GNA14: variants seen among roughly 807,000 people sequenced by gnomAD.
GNA14 encodes the protein guanine nucleotide-binding protein subunit alpha-14.
Under a neutral mutation model 42.0 loss-of-function variants are expected in GNA14, and 50 were observed. That is an observed-to-expected ratio of 1.19 (90% CI 0.95 to 1.51). The LOEUF (loss-of-function observed/expected upper bound fraction) is 1.51, where lower values mean the gene tolerates loss of function less well. Among genes scored for constraint, GNA14 ranks in the 40% most tolerant of loss-of-function variants. The pLI is 0.00. For synonymous variants in GNA14, 173 were observed against 163.1 expected, an observed-to-expected ratio of 1.06 and a Z score of -0.46; for missense variants, 473 against 446.2, an observed-to-expected ratio of 1.06 and a Z score of -0.54.
chr9:77,444,426 C>T (rs540069402), intron 2 of GNA14, among the ~76,000 whole-genome samples: 25 of 152,322 alleles, frequency 1.6e-4, no homozygotes, highest in Admixed American at 1.4e-3. Context: ...AGGGTGCCAG[C>T]TTCTTCCACA....
intron 2 of GNA14, among the ~76,000 whole-genome samples, chr9:77,437,399 A>C (rs1835656125): frequency 6.6e-6 from 1 of 152,166 alleles, no homozygotes; most frequent in African/African-American, 2.4e-5. Context: ...ATTAAAAATT[A>C]GCTGGGTTTG....
At chr9:77,631,293 A>G (rs1000053305) in intron 1 of GNA14, among the ~76,000 whole-genome samples, 10 of 152,246 alleles carry the variant, frequency 6.6e-5, no homozygotes, top group African/African-American at 2.4e-4. Flanking sequence ...AGAAATTGCT[A>G]CATCACTTCA....
In GNA14 at chr9:77,456,283, T is replaced by C. The variant is rs1342440984; in HGVS notation, c.310-21761A>G. The C allele has an allele frequency of 2.0e-5, 3 of 152,212 alleles. No individual in the cohort carries two copies. The East Asian group carries it at 5.8e-4, about 29-fold the overall frequency. The allele number at this position is 152,212 out of a possible 1,614,324, so 9.4% of individuals were successfully genotyped here. A position where few individuals can be genotyped will look rare whatever the true frequency, so the allele number is the denominator to read the frequency against. The stretch of plus-strand genomic sequence containing the variant: ...CACACCCTATTGATTTAAATACATT[T>C]ACATTTTAAAGGAAGGAAAGAGTGG... On this transcript the variant is annotated intron_variant, in intron 2 of 6. Transcript: ENST00000341700.
At chr9:77,604,808 AC>A (rs143792859) in intron 1 of GNA14, among the ~76,000 whole-genome samples, 392 of 152,290 alleles carry the variant, frequency 2.6e-3, no homozygotes, top group Non-Finnish European at 4.3e-3. Flanking sequence ...CACTACGTAA[AC>A]CCCGAAGATG....
At chr9:77,500,282 T>G (rs1171096456) in intron 2 of GNA14, among the ~76,000 whole-genome samples, 1 of 152,076 alleles carries the variant, frequency 6.6e-6, no homozygotes, top group Non-Finnish European at 1.5e-5. Flanking sequence ...CCTCCCAGAG[T>G]GCTGGGATTA....
intron 2 of GNA14, among the ~76,000 whole-genome samples, chr9:77,514,599 T>C (rs1837218748): frequency 2.0e-5 from 3 of 147,168 alleles, no homozygotes; most frequent in African/African-American, 7.5e-5. Context: ...AAGTCTTCTA[T>C]AATATCAGAT....
At chr9:77,457,775 T>C (rs1836029000) in intron 2 of GNA14, among the ~76,000 whole-genome samples, 1 of 152,240 alleles carries the variant, frequency 6.6e-6, no homozygotes, top group Non-Finnish European at 1.5e-5. Context: ...AATTCAAGTC[T>C]AGTTTTGTAG....
chr9:77,575,983 C>T (rs1014696466), intron 1 of GNA14, among the ~76,000 whole-genome samples: 3 of 152,196 alleles, frequency 2.0e-5, no homozygotes, highest in Admixed American at 2.0e-4. Context: ...AGCTGCACCG[C>T]TGGTGCTATC....
Position 77,595,151 on chromosome 9 carries a change from A to G in GNA14, c.124+52519T>C, listed in dbSNP as rs546036781. ...TCTTAGACTATTTGCTGCTGTTGCC[A>G]CATCTTTTATATTTGCATTCTCCAC... On this transcript the variant is annotated intron_variant, in intron 1 of 6. Transcript: ENST00000341700. Among the ~76,000 whole-genome samples the G allele has an allele frequency of 3.3e-5, 5 of 152,258 alleles. No individual in the cohort carries two copies. The East Asian group carries it at 7.7e-4, about 24-fold the overall frequency.
intron 2 of GNA14, chr9:77,456,625 T>G (rs1242997853): frequency 6.6e-6 from 1 of 152,144 alleles, no homozygotes; most frequent in Non-Finnish European, 1.5e-5. Context: ...GAAGACTTGC[T>G]AATATTCACC....
At position 77,441,428 on chromosome 9, in the gene GNA14, C is replaced by A. The variant is rs781042544; in HGVS notation, c.310-6906G>T. Among the ~76,000 whole-genome samples the A allele has an allele frequency of 4.6e-5, 7 of 152,158 alleles. No homozygotes were observed. In the East Asian group the frequency reaches 5.8e-4, roughly 13 times the overall value. On this transcript the variant is annotated intron_variant, in intron 2 of 6. Coordinates refer to ENST00000341700, the MANE Select transcript of GNA14 (RefSeq NM_004297.4). ...CTGAGGCCTCCTCAGCCATGTGGAC[C>A]TGTGAGTCAATTAAACCTCTTTCCT...
At chr9:77,470,389 C>A (rs1836310186) in intron 2 of GNA14, among the ~76,000 whole-genome samples, 1 of 152,166 alleles carries the variant, frequency 6.6e-6, no homozygotes, top group South Asian at 2.1e-4. Flanking sequence ...TATAACAGCA[C>A]AGGTGAGAAA....
rs1160420452 is a variant in GNA14 at position 77,498,392 on chromosome 9, A to AAG, written c.309+30676_309+30677insCT. Reference sequence around the variant, plus strand: ...CTGTCTCAAAAAAAAAAAAAAAGAAAAAAAAGAAAAAGAAAACAAGCTGCA... The same window carrying AAG: ...CTGTCTCAAAAAAAAAAAAAAAGAAAAGAAAAAGAAAAAGAAAACAAGCTGCA... On this transcript the variant is annotated intron_variant, in intron 2 of 6. Coordinates refer to ENST00000341700, the MANE Select transcript of GNA14 (RefSeq NM_004297.4). Among the ~76,000 whole-genome samples, 11 of 144,876 alleles carry AAG rather than the reference A, an allele frequency of 7.6e-5. 1 individual carries two copies. The highest frequency in any genetic ancestry group is 2.8e-4 in the African/African-American group (11 of 39,210).
At chr9:77,478,599 C>G (rs1268602645) in intron 2 of GNA14, among the ~76,000 whole-genome samples, 6 of 152,136 alleles carry the variant, frequency 3.9e-5, no homozygotes, top group Admixed American at 3.9e-4. Flanking sequence ...TGAGGAATCG[C>G]CACACTGACT....
intron 2 of GNA14, chr9:77,518,114 C>A (rs1173746295): frequency 1.3e-5 from 2 of 152,004 alleles, no homozygotes; most frequent in African/African-American, 4.8e-5. Context: ...GTTACTCACA[C>A]GTTTAAATTT....
At chr9:77,480,121 C>T (rs1836516587) in intron 2 of GNA14, among the ~76,000 whole-genome samples, 1 of 152,084 alleles carries the variant, frequency 6.6e-6, no homozygotes. Context: ...GCATCCCTGT[C>T]TTGTGCCAGT....
rs146593101 is a variant in GNA14 at position 77,636,320 on chromosome 9, A to T, written c.124+11350T>A. On this transcript the variant is annotated intron_variant, in intron 1 of 6. Transcript: ENST00000341700. ...ACAGAAGATGGCTTTCAGGCAAAAC[A>T]ATAAAACATACATTTTACTTTTTTC... Among the ~76,000 whole-genome samples the T allele has an allele frequency of 2.0e-5, 3 of 152,336 alleles. No homozygotes were observed. In the East Asian group the frequency reaches 5.8e-4, roughly 29 times the overall value.
At chr9:77,633,764 A>T (rs1824135776) in intron 1 of GNA14, among the ~76,000 whole-genome samples, 1 of 152,170 alleles carries the variant, frequency 6.6e-6, no homozygotes, top group Non-Finnish European at 1.5e-5. Flanking sequence ...CTGGCATCAG[A>T]CCACCTGGAT....
chr9:77,618,788 T>G (rs1023765715), intron 1 of GNA14, among the ~76,000 whole-genome samples: 1 of 146,112 alleles, frequency 6.8e-6, no homozygotes, highest in East Asian at 2.0e-4. Context: ...CGCCCGCCAC[T>G]ACGCCCGGCT....
Sources: gnomAD v4.1 joint callset for allele counts (sites outside exome capture counted in the v4.1 genomes callset) on GRCh38, gnomAD v4.1.1 for gene constraint, MANE v1.5 for transcripts, NCBI Gene and HGNC (gene_info 2026-07-23, HGNC 2026-07-21) for gene names.